NPM1: variants seen among roughly 807,000 people sequenced by gnomAD.
NPM1 encodes the protein nucleophosmin 1.
In NPM1, 1 loss-of-function variant was observed where a neutral mutation model predicts 44.1. The observed-to-expected ratio is 0.02, with a 90% CI of 0.01 to 0.11. The LOEUF is 0.11. NPM1 is among the 10% of genes least tolerant of loss of function. The pLI is 1.00. For missense variants in NPM1, 197 were observed against 347.8 expected (o/e 0.57, Z 3.45); for synonymous variants, 126 against 111.8 (o/e 1.13, Z -0.80).
intron 6 of NPM1, among the ~76,000 whole-genome samples, chr5:171,393,609 C>A (rs1414683362): frequency 2.8e-5 from 4 of 141,682 alleles, no homozygotes; most frequent in Admixed American, 2.8e-4. Context: ...TGTGCCAGTA[C>A]CAGTAATGCA....
Position 171,399,946 on chromosome 5 carries a change from T to C in NPM1, c.525-207T>C, listed in dbSNP as rs528884641. The stretch of plus-strand genomic sequence containing the variant: ...TTTCACTTTGTTCAAGGTTCAGTCA[T>C]GTAGCATGCAAGAGGATTTTCATTG... On this transcript the variant is annotated intron_variant, in intron 6 of 10. Coordinates refer to ENST00000296930, the MANE Select transcript of NPM1 (RefSeq NM_002520.7). 6.6e-5 allele frequency among the ~76,000 whole-genome samples: 10 copies of C among 152,364 alleles called. No individual in the cohort carries two copies. In the East Asian group the frequency reaches 1.9e-3, roughly 29 times the overall value.
chr5:171,390,669 G>A (rs938371085), intron 2 of NPM1, among the ~76,000 whole-genome samples: 10 of 151,928 alleles, frequency 6.6e-5, no homozygotes, highest in Non-Finnish European at 1.3e-4. Flanking sequence ...CAGATGGATC[G>A]CATATACAAT....
At chr5:171,401,767 G>C (rs1221649240) in intron 8 of NPM1, among the ~76,000 whole-genome samples, 1 of 152,140 alleles carries the variant, frequency 6.6e-6, no homozygotes, top group Non-Finnish European at 1.5e-5. Context: ...GTTGTTTCCT[G>C]TAAGGAATCT....
intron 10 of NPM1, 36 bp from the exon 11 acceptor site, chr5:171,410,491 G>A (rs1186571419): frequency 7.1e-7 from 1 of 1,403,844 alleles, no homozygotes; most frequent in Admixed American, 2.0e-5. Context: ...GAAGTGTTGT[G>A]GTTCCTTAAC....
intron 6 of NPM1, among the ~76,000 whole-genome samples, chr5:171,395,488 C>T (rs907014996): frequency 4.6e-5 from 7 of 152,032 alleles, no homozygotes; most frequent in Admixed American, 4.6e-4. Flanking sequence ...TTAGTAGAGA[C>T]GGGGTTTCAC....
intron 8 of NPM1, among the ~76,000 whole-genome samples, chr5:171,404,663 G>A (rs1363155127): frequency 1.4e-5 from 2 of 138,650 alleles, no homozygotes; most frequent in Non-Finnish European, 3.1e-5. Context: ...TGGGCAGCCA[G>A]GCAGAGGGGC....
intron 9 of NPM1, chr5:171,406,305 T>G: frequency 9.0e-7 from 1 of 1,113,990 alleles, no homozygotes; most frequent in Non-Finnish European, 1.4e-6. Context: ...TATCACTGAT[T>G]TTTGTCCCTT....
chr5:171,401,242 C>T (rs1192463485), intron 8 of NPM1, among the ~76,000 whole-genome samples: 1 of 152,044 alleles, frequency 6.6e-6, no homozygotes, highest in African/African-American at 2.4e-5. Flanking sequence ...CCTGTAATTC[C>T]ACCTACTCAG....
chr5:171,391,243 G>T lies in NPM1; in HGVS notation c.139-62G>T, dbSNP rs921325926. 12 of 1,581,922 alleles carry T rather than the reference G, an allele frequency of 7.6e-6. No individual in the cohort carries two copies. In the East Asian group the frequency reaches 2.0e-4, roughly 27 times the overall value. Reference sequence around the variant, plus strand: ...GACGCATGGCTGCATATAACATTTAGTGGGGGGGTGTAAAATAGGTGGAAC... The same window carrying T: ...GACGCATGGCTGCATATAACATTTATTGGGGGGGTGTAAAATAGGTGGAAC... On this transcript the variant is annotated intron_variant, in intron 2 of 10. Coordinates refer to ENST00000296930, the MANE Select transcript of NPM1 (RefSeq NM_002520.7).
rs551273843 is a variant in NPM1 at position 171,387,889 on chromosome 5, G to C, written c.-60G>C. The stretch of plus-strand genomic sequence containing the variant: ...TTCCGTCCTGCGCGGTTGTTCTCTG[G>C]AGCAGCGTTCTTTTATCTCCGTCCG... On this transcript the variant is annotated 5_prime_UTR_variant, in exon 1 of 11. Transcript: ENST00000296930. 9 of 1,526,180 alleles carry C rather than the reference G, an allele frequency of 5.9e-6. No individual in the cohort carries two copies. The highest frequency in any genetic ancestry group is 7.3e-6 in the Non-Finnish European group (8 of 1,102,330). The allele number at this position is 1,526,180 out of a possible 1,614,324, so 94.5% of individuals were successfully genotyped here.
chr5:171,393,380 C>G (rs979173573), intron 6 of NPM1, among the ~76,000 whole-genome samples: 4 of 152,258 alleles, frequency 2.6e-5, no homozygotes, highest in East Asian at 3.9e-4. Context: ...CAAGTTGTTA[C>G]TCAAGGTTTG....
At chr5:171,403,011 T>A (rs1455485262) in intron 8 of NPM1, among the ~76,000 whole-genome samples, 8 of 141,576 alleles carry the variant, frequency 5.7e-5, no homozygotes, top group East Asian at 2.1e-4. Context: ...TATTTTTTTT[T>A]TAATTTATTT....
Position 171,409,580 on chromosome 5 carries a change from C to T in NPM1, c.847-947C>T, listed in dbSNP as rs531622059. On this transcript the variant is annotated intron_variant, in intron 10 of 10. Coordinates refer to ENST00000296930, the MANE Select transcript of NPM1 (RefSeq NM_002520.7). Reference sequence around the variant, plus strand: ...TTCTATGATATTTAATATTGGCATTCGGTATTCAGTTACCTTGTACCTGAG... The same window carrying T: ...TTCTATGATATTTAATATTGGCATTTGGTATTCAGTTACCTTGTACCTGAG... Among the ~76,000 whole-genome samples, 11 of 152,272 alleles carry T rather than the reference C, an allele frequency of 7.2e-5. No homozygotes were observed. In the South Asian group the frequency reaches 2.1e-3, roughly 29 times the overall value.
At chr5:171,393,329 G>GT (rs1770692625) in intron 6 of NPM1, among the ~76,000 whole-genome samples, 1 of 152,160 alleles carries the variant, frequency 6.6e-6, no homozygotes, top group African/African-American at 2.4e-5. Flanking sequence ...ATGAGATTGG[G>GT]TTGAAAGAAA....
At chr5:171,387,304 C>T (rs1479594497), upstream of NPM1, 2 of 153,652 alleles carry the variant, frequency 1.3e-5, no homozygotes, top group South Asian at 2.1e-4. Flanking sequence ...CTCTCTGGCA[C>T]CTGAACTTTG....
intron 10 of NPM1, 115 bp from the exon 11 acceptor site, chr5:171,410,412 C>T (rs1236006799): frequency 6.9e-6 from 4 of 579,934 alleles, no homozygotes; most frequent in Non-Finnish European, 1.2e-5. Context: ...CTAGAGTTAA[C>T]TCTCTGGTGG....
chr5:171,390,847 C>A (rs953647387), intron 2 of NPM1, among the ~76,000 whole-genome samples: 1 of 152,084 alleles, frequency 6.6e-6, no homozygotes, highest in Non-Finnish European at 1.5e-5. Flanking sequence ...CTCACCCTCC[C>A]GAGTAGCTGG....
intron 8 of NPM1, among the ~76,000 whole-genome samples, chr5:171,405,009 C>T (rs986695128): frequency 2.0e-5 from 3 of 152,054 alleles, no homozygotes; most frequent in African/African-American, 4.8e-5. Flanking sequence ...ATGATCATAG[C>T]TCACTACAGC....
intron 9 of NPM1, chr5:171,407,366 C>A: frequency 3.4e-6 from 1 of 290,804 alleles, no homozygotes; most frequent in Non-Finnish European, 6.4e-6. Flanking sequence ...GTATTTGGTT[C>A]TGGGTGATAA....
Sources: allele counts gnomAD v4.1 joint callset (sites outside exome capture counted in the v4.1 genomes callset), GRCh38; gene constraint gnomAD v4.1.1; transcripts MANE v1.5; gene names NCBI Gene and HGNC (gene_info 2026-07-23, HGNC 2026-07-21).